The following RAP1B variants were observed in gnomAD, a reference collection of about 807,000 sequenced individuals.
RAP1B encodes the protein ras-related protein Rap-1b.
A neutral mutation model predicts 27.5 loss-of-function variants in RAP1B; 1 was observed. That is an observed-to-expected ratio of 0.04 (90% CI 0.01 to 0.17). RAP1B has a LOEUF of 0.17. Ranked by LOEUF, RAP1B falls within the 10% of genes least tolerant of loss-of-function variation. The pLI is 1.00. For synonymous variants in RAP1B, 75 were observed against 73.1 expected (o/e 1.03, Z -0.13); for missense variants, 84 against 214.8 (o/e 0.39, Z 3.81).
At chr12:68,632,003 A>G (rs116220153) in intron 1 of RAP1B, among the ~76,000 whole-genome samples, 61 of 150,204 alleles carry the variant, frequency 4.1e-4, no homozygotes, top group African/African-American at 1.4e-3. Context: ...CTCTGATTCC[A>G]CTTCATGATG....
At chr12:68,632,862 G>A (rs542371175) in intron 1 of RAP1B, among the ~76,000 whole-genome samples, 6 of 152,260 alleles carry the variant, frequency 3.9e-5, no homozygotes, top group African/African-American at 1.2e-4. Flanking sequence ...TAGAGATGAT[G>A]CCTCACTATG....
intron 1 of RAP1B, among the ~76,000 whole-genome samples, chr12:68,634,585 A>T (rs74101001): frequency 0.064 from 9,553 of 148,764 alleles, 754 homozygotes; most frequent in African/African-American, 0.19. Context: ...CTATATTATT[A>T]TTTTTTTTTT....
Position 68,668,860 on chromosome 12 carries a change from TA to T in RAP1B, c.*9612del, listed in dbSNP as rs1158470815. 1 of 152,230 alleles carries T rather than the reference TA, an allele frequency of 6.6e-6. No homozygotes were observed. Among genetic ancestry groups the T allele is most frequent in the Non-Finnish European group, 1.5e-5 (1 of 68,046 alleles). 9.4% of individuals were successfully genotyped at this position (152,230 alleles called of 1,614,324 possible). On this transcript the variant is annotated 3_prime_UTR_variant, in exon 8 of 8. Coordinates refer to ENST00000250559, the MANE Select transcript of RAP1B (RefSeq NM_001010942.3). Reference sequence around the variant, plus strand: ...CTGATAGTTGGGAAATAATACTAGTTATTTCTTGGACACCCTAAGATGTGCC... The same window carrying T: ...CTGATAGTTGGGAAATAATACTAGTTTTTCTTGGACACCCTAAGATGTGCC...
intron 1 of RAP1B, among the ~76,000 whole-genome samples, chr12:68,637,264 G>T (rs1419524836): frequency 6.6e-6 from 1 of 151,894 alleles, no homozygotes; most frequent in African/African-American, 2.4e-5. Flanking sequence ...CCATCAACTC[G>T]GTACAGTCAG....
chr12:68,652,115 G>T, intron 4 of RAP1B, 64 bp downstream of exon 4: 2 of 1,220,526 alleles, frequency 1.6e-6, no homozygotes, highest in South Asian at 1.4e-5. Context: ...ATAAATGCTA[G>T]TACTCTATAG....
intron 1 of RAP1B, among the ~76,000 whole-genome samples, chr12:68,613,389 T>TTA (rs1555170028): frequency 8.1e-6 from 1 of 123,370 alleles, no homozygotes; most frequent in Admixed American, 8.5e-5. Context: ...AGACCTGTCT[T>TTA]AAAAAAAAAA....
At position 68,660,693 on chromosome 12, in the gene RAP1B, T is replaced by C. The variant is rs573490204; in HGVS notation, c.*1444T>C. 1 of 152,392 alleles carries C rather than the reference T, an allele frequency of 6.6e-6. No individual in the cohort carries two copies. The highest frequency in any genetic ancestry group is 1.9e-4 in the East Asian group (1 of 5,190). The allele number at this position is 152,392 out of a possible 1,614,324, so 9.4% of individuals were successfully genotyped here. ...TACAGGAATAAGGAAGTAGCGAGTT[T>C]TCTGGTATTGTTTGAATATCCACAT... On this transcript the variant is annotated 3_prime_UTR_variant, in exon 8 of 8. Coordinates refer to ENST00000250559, the MANE Select transcript of RAP1B (RefSeq NM_001010942.3).
At chr12:68,619,580 A>G (rs1405368677) in intron 1 of RAP1B, among the ~76,000 whole-genome samples, 1 of 152,218 alleles carries the variant, frequency 6.6e-6, no homozygotes, top group African/African-American at 2.4e-5. Context: ...GCTTTGGTGT[A>G]GTGTCAAAGA....
At chr12:68,619,296 G>C (rs1555170600) in intron 1 of RAP1B, among the ~76,000 whole-genome samples, 1 of 152,140 alleles carries the variant, frequency 6.6e-6, no homozygotes, top group Non-Finnish European at 1.5e-5. Flanking sequence ...AATAGTGGTA[G>C]TATTTATGGT....
Position 68,664,155 on chromosome 12 carries a change from GCA to G in RAP1B, c.*4913_*4914del, listed in dbSNP as rs975995975. 4 of 152,062 alleles carry G rather than the reference GCA, an allele frequency of 2.6e-5. No individual in the cohort carries two copies. The highest frequency in any genetic ancestry group is 4.8e-5 in the African/African-American group (2 of 41,402). The allele number at this position is 152,062 out of a possible 1,614,324, so 9.4% of individuals were successfully genotyped here. A position where few individuals can be genotyped will look rare whatever the true frequency, so the allele number is the denominator to read the frequency against. ...AGGGTTTTTTCCTGAAAACAAAACA[GCA>G]CACACATATATTACAGGATTTTTAT... On this transcript the variant is annotated 3_prime_UTR_variant, in exon 8 of 8. Transcript: ENST00000250559.
rs1342500520 is a variant in RAP1B at position 68,669,086 on chromosome 12, T to G, written c.*9837T>G. The G allele has an allele frequency of 6.6e-6, 1 of 152,170 alleles. No homozygotes were observed. Among genetic ancestry groups the G allele is most frequent in the Non-Finnish European group, 1.5e-5 (1 of 68,020 alleles). 9.4% of individuals were successfully genotyped at this position (152,170 alleles called of 1,614,324 possible). On this transcript the variant is annotated 3_prime_UTR_variant, in exon 8 of 8. Transcript: ENST00000250559. ...GCTCAAAAAAATCTATTAGAAGTAT[T>G]CAGGAACTTGGCTGGATATAAGATA... is the stretch of plus-strand genomic sequence containing the variant.
Position 68,657,364 on chromosome 12 carries a change from C to G in RAP1B, c.*30+147C>G, listed in dbSNP as rs115030005. 4.6e-3 allele frequency: 2,375 copies of G among 517,788 alleles called. 35 individuals carry two copies. The highest frequency in any genetic ancestry group is 0.038 in the African/African-American group (1,916 of 50,440). 32.1% of individuals were successfully genotyped at this position (517,788 alleles called of 1,614,324 possible). The stretch of plus-strand genomic sequence containing the variant: ...AGATATCCATGAGTTAGTATGCTAT[C>G]TTATTAATTATTTACTTATCATCAT... On this transcript the variant is annotated intron_variant, in intron 7 of 7. Transcript: ENST00000250559.
At chr12:68,645,055 GA>G (rs1208622966) in intron 1 of RAP1B, among the ~76,000 whole-genome samples, 3 of 152,168 alleles carry the variant, frequency 2.0e-5, no homozygotes, top group Non-Finnish European at 4.4e-5. Context: ...TGACTCTGAA[GA>G]ATTACTACAT....
At chr12:68,638,353 T>C (rs1430804680) in intron 1 of RAP1B, among the ~76,000 whole-genome samples, 2 of 152,168 alleles carry the variant, frequency 1.3e-5, no homozygotes, top group Non-Finnish European at 2.9e-5. Flanking sequence ...GCCCTAATTT[T>C]TAGTTACATG....
At position 68,661,252 on chromosome 12, in the gene RAP1B, T is replaced by G. The variant is rs1874578973; in HGVS notation, c.*2003T>G. 6.6e-6 allele frequency: 1 copy of G among 152,162 alleles called. No individual in the cohort carries two copies. Among genetic ancestry groups the G allele is most frequent in the East Asian group, 1.9e-4 (1 of 5,202 alleles). The allele number at this position is 152,162 out of a possible 1,614,324, so 9.4% of individuals were successfully genotyped here. On this transcript the variant is annotated 3_prime_UTR_variant, in exon 8 of 8. Transcript: ENST00000250559. Reference sequence around the variant, plus strand: ...ATTTATAATCATTTGGGAAAAAAATTAAGCCCAAAAAACTGGGACTGTGAA... The same window carrying G: ...ATTTATAATCATTTGGGAAAAAAATGAAGCCCAAAAAACTGGGACTGTGAA...
At chr12:68,627,153 T>G in intron 1 of RAP1B, 2 of 1,569,426 alleles carry the variant, frequency 1.3e-6, no homozygotes. Context: ...GCCCTGGGGC[T>G]TCCCAAAGGC....
chr12:68,622,899 A>G (rs560395617), intron 1 of RAP1B, among the ~76,000 whole-genome samples: 2 of 152,306 alleles, frequency 1.3e-5, no homozygotes, highest in South Asian at 2.1e-4. Flanking sequence ...GCCTGGTCTC[A>G]TAATCTTGCC....
At chr12:68,653,667 G>C (rs946868363) in intron 4 of RAP1B, among the ~76,000 whole-genome samples, 1 of 151,950 alleles carries the variant, frequency 6.6e-6, no homozygotes. Context: ...GGTAGTTCAC[G>C]CCTGTAATCC....
Position 68,614,299 on chromosome 12 carries a change from A to G in RAP1B, c.-27+3256A>G, listed in dbSNP as rs533547734. Among the ~76,000 whole-genome samples the G allele has an allele frequency of 2.6e-5, 4 of 152,288 alleles. No individual in the cohort carries two copies. In the South Asian group the frequency reaches 8.3e-4, roughly 32 times the overall value. ...ACTTTTTCCCCATAAGTATTGTTTA[A>G]ATAGGCTGTTTTATTATCGACTATC... On this transcript the variant is annotated intron_variant, in intron 1 of 7. Transcript: ENST00000250559.
Sources: allele counts gnomAD v4.1 joint callset (sites outside exome capture counted in the v4.1 genomes callset), GRCh38; gene constraint gnomAD v4.1.1; transcripts MANE v1.5; gene names NCBI Gene and HGNC (gene_info 2026-07-23, HGNC 2026-07-21).